The following ITGAL variants were observed in gnomAD, a reference collection of about 807,000 sequenced individuals.
ITGAL encodes integrin alpha-L.
In ITGAL, 68 loss-of-function variants were observed where a neutral mutation model predicts 138.4. That is an observed-to-expected ratio of 0.49 (90% confidence interval 0.40 to 0.60). The LOEUF (loss-of-function observed/expected upper bound fraction) is 0.60. Among genes scored for constraint, ITGAL ranks in the 20% least tolerant of loss-of-function variants. The pLI is 0.00. For missense variants in ITGAL, 1,256 were observed against 1,478.6 expected (o/e 0.85, Z 2.47); for synonymous variants, 561 against 584.3 (o/e 0.96, Z 0.57).
intron 2 of ITGAL, 65 bp downstream of exon 2, chr16:30,474,363 C>T: frequency 8.5e-7 from 1 of 1,181,792 alleles, no homozygotes; most frequent in East Asian, 2.6e-5. Context: ...AGGCGGTGGC[C>T]GCCTCCCCGA....
Position 30,478,667 on chromosome 16 carries a change from A to G in ITGAL, c.328-424A>G, listed in dbSNP as rs79774269. Among the ~76,000 whole-genome samples the G allele has an allele frequency of 9.1e-4, 133 of 146,422 alleles. 2 individuals are homozygous for G. In the East Asian group the frequency reaches 0.017, roughly 19 times the overall value. ...GAGCCGAGATCATGCCATGCAGTCC[A>G]GCCTAGGCGATAGAGCGAAGACTCC... On this transcript the variant is annotated intron_variant, in intron 4 of 30. Transcript: ENST00000356798.
At chr16:30,510,650 G>A (rs1230967227) in intron 22 of ITGAL, among the ~76,000 whole-genome samples, 179 bp downstream of exon 22, 1 of 152,156 alleles carries the variant, frequency 6.6e-6, no homozygotes, top group Non-Finnish European at 1.5e-5. Context: ...CTGGACTTTA[G>A]AATCAGGCAA....
intron 24 of ITGAL, among the ~76,000 whole-genome samples, chr16:30,512,588 A>G (rs1206021231): frequency 7.5e-5 from 11 of 147,256 alleles, no homozygotes; most frequent in South Asian, 4.3e-4. Context: ...CCCTGTGTGA[A>G]AAAAAAAAAA....
At chr16:30,478,541 A>G (rs1176949298) in intron 4 of ITGAL, among the ~76,000 whole-genome samples, 1 of 151,772 alleles carries the variant, frequency 6.6e-6, no homozygotes, top group Non-Finnish European at 1.5e-5. Flanking sequence ...TGCTAAAAAT[A>G]CAAAAAATTA....
At chr16:30,498,091 A>G (rs533773168) in intron 15 of ITGAL, among the ~76,000 whole-genome samples, 11 of 151,586 alleles carry the variant, frequency 7.3e-5, no homozygotes, top group South Asian at 2.1e-4. Context: ...TACATCTTCA[A>G]TGGGAGGCAC....
At chr16:30,518,816 G>T in intron 29 of ITGAL, 97 bp downstream of exon 29, 1 of 921,738 alleles carries the variant, frequency 1.1e-6, no homozygotes, top group South Asian at 1.3e-5. Context: ...TGGGCTCTGT[G>T]CGAGTCAGAA....
chr16:30,498,054 GC>G (rs1567476766), intron 15 of ITGAL, among the ~76,000 whole-genome samples: 3 of 151,910 alleles, frequency 2.0e-5, no homozygotes, highest in Non-Finnish European at 2.9e-5. Flanking sequence ...GGTTGTGGGG[GC>G]CCCTCTGGAG....
chr16:30,499,712 T>TGTGTATATATATGTGTATATATATATAC (rs1567478374), intron 17 of ITGAL, among the ~76,000 whole-genome samples: 9 of 43,812 alleles, frequency 2.1e-4, no homozygotes, highest in African/African-American at 6.5e-4. Flanking sequence ...TATATATATA[T>TGTGTATATATATGTGTATATATATATAC]GTATATATAT....
At chr16:30,495,446 G>A (rs370449002) in intron 13 of ITGAL, among the ~76,000 whole-genome samples, 1 of 152,090 alleles carries the variant, frequency 6.6e-6, no homozygotes, top group African/African-American at 2.4e-5. Context: ...GGCGTGAGCC[G>A]CTGCACCTGG....
At chr16:30,517,538 A>C in intron 26 of ITGAL, 111 bp from the exon 27 acceptor site, 2 of 838,592 alleles carry the variant, frequency 2.4e-6, no homozygotes, top group Non-Finnish European at 4.1e-6. Context: ...TGCTGGACTC[A>C]GAGATGTCTG....
chr16:30,501,436 G>T (rs2050896159), intron 17 of ITGAL, among the ~76,000 whole-genome samples: 1 of 151,874 alleles, frequency 6.6e-6, no homozygotes, highest in African/African-American at 2.4e-5. Flanking sequence ...AATTAGCTGG[G>T]CGTGGTGGCC....
At chr16:30,514,526 CGT>C (rs35530358) in intron 25 of ITGAL, among the ~76,000 whole-genome samples, 101,890 of 151,750 alleles carry the variant, frequency 0.67, 34,471 homozygotes, top group South Asian at 0.86. Flanking sequence ...CTTCCCCCCT[CGT>C]GGCCTCTCAA....
chr16:30,499,349 G>A lies in ITGAL; in HGVS notation c.2005G>A (p.Ala669Thr), dbSNP rs2050850883. ...TCCGCCCTGCCCAGGCCGCCTGGTT[G>A]CCAATCTCACTTACACTCTGCAGCT... ...LIPQFQGRLV[A>T]NLTYTLQLDG... Residue 669 changes from alanine to threonine, a missense_variant, in exon 17 of 31, where the codon GCC becomes ACC. By Grantham distance (58) the Ala-to-Thr change is moderately conservative. This residue lies in a region of ITGAL where 867 missense variants were observed against 972.5 expected (regional missense o/e 0.89). Transcript: ENST00000356798. 1 of 1,614,004 alleles carries A rather than the reference G, an allele frequency of 6.2e-7. No individual in the cohort carries two copies. Among genetic ancestry groups the A allele is most frequent in the Non-Finnish European group, 8.5e-7 (1 of 1,180,042 alleles).
intron 30 of ITGAL, among the ~76,000 whole-genome samples, chr16:30,520,653 G>A (rs1319474852): frequency 6.6e-6 from 1 of 152,224 alleles, no homozygotes; most frequent in Non-Finnish European, 1.5e-5. Flanking sequence ...GACACAGGCA[G>A]AAGCAAGCAG....
intron 11 of ITGAL, among the ~76,000 whole-genome samples, chr16:30,490,084 G>A (rs1214781111): frequency 6.6e-6 from 1 of 151,568 alleles, no homozygotes; most frequent in African/African-American, 2.4e-5. Flanking sequence ...AAAATTAGTC[G>A]GGCATGATGG....
Position 30,472,858 on chromosome 16 carries a change from T to C in ITGAL, c.21T>C (p.Thr7=), listed in dbSNP as rs2151138833. 4 of 1,613,000 alleles carry C rather than the reference T, an allele frequency of 2.5e-6. No individual in the cohort carries two copies. The highest frequency in any genetic ancestry group is 3.4e-6 in the Non-Finnish European group (4 of 1,179,828). The change falls in exon 1 of 31, where the codon ACT becomes ACC. Residue 7 remains threonine, a synonymous_variant. Coordinates refer to ENST00000356798, the MANE Select transcript of ITGAL (RefSeq NM_002209.3). MKDSCI[T]VMAMALLSGF... is the part of the protein sequence containing the mutation. ...GAAGGATGAAGGATTCCTGCATCAC[T>C]GTGATGGCCATGGCGCTGCTGTCTG...
intron 9 of ITGAL, chr16:30,488,799 C>A: frequency 2.4e-6 from 1 of 413,734 alleles, no homozygotes; most frequent in Non-Finnish European, 4.6e-6. Flanking sequence ...GTTGCTTGAG[C>A]TTGGGTGGTT....
intron 1 of ITGAL, chr16:30,473,847 C>T (rs1229078498): frequency 6.5e-6 from 3 of 462,122 alleles, no homozygotes; most frequent in African/African-American, 5.9e-5. Flanking sequence ...GCGCACCCGG[C>T]TCGGGGGCAT....
chr16:30,502,761 A>G (rs2050923308), intron 17 of ITGAL, among the ~76,000 whole-genome samples: 1 of 152,036 alleles, frequency 6.6e-6, no homozygotes, highest in Non-Finnish European at 1.5e-5. Context: ...AAAAAAAAAA[A>G]AATTCATATA....
Sources: allele counts gnomAD v4.1 joint callset (sites outside exome capture counted in the v4.1 genomes callset), GRCh38; gene constraint gnomAD v4.1.1; regional missense constraint gnomAD v4.1.1; transcripts MANE v1.5; gene names NCBI Gene and HGNC (gene_info 2026-07-23, HGNC 2026-07-21).